The following GALNTL5 variants were observed in gnomAD, a reference collection of about 807,000 sequenced individuals.
GALNTL5 encodes inactive polypeptide N-acetylgalactosaminyltransferase-like protein 5.
Under a neutral mutation model 51.0 loss-of-function variants are expected in GALNTL5, and 44 were observed. The observed-to-expected ratio is 0.86, with a 90% confidence interval of 0.68 to 1.11. The LOEUF is 1.11. Ranked by LOEUF, GALNTL5 falls within the 50% of genes least tolerant of loss-of-function variation. The pLI, the probability that GALNTL5 is intolerant of heterozygous loss-of-function variation, is 0.00. For missense variants in GALNTL5, 528 were observed against 531.8 expected, an observed-to-expected ratio of 0.99 and a Z score of 0.07; for synonymous variants, 192 against 182.8, an observed-to-expected ratio of 1.05 and a Z score of -0.41.
At chr7:151,972,595 G>A (rs143609148) in intron 3 of GALNTL5, among the ~76,000 whole-genome samples, 7 of 152,288 alleles carry the variant, frequency 4.6e-5, no homozygotes, top group East Asian at 1.9e-4. Context: ...TCTGTGCAGC[G>A]TTGGGACAAG....
intron 5 of GALNTL5, among the ~76,000 whole-genome samples, chr7:152,000,543 G>A (rs2081561669): frequency 6.6e-6 from 1 of 152,158 alleles, no homozygotes; most frequent in South Asian, 2.1e-4. Flanking sequence ...AACAGCACTG[G>A]ACAAGTGTTT....
chr7:151,967,256 G>A lies in GALNTL5; in HGVS notation c.10G>A (p.Ala4Thr), dbSNP rs912396009. The change falls in exon 2 of 9, where the codon GCC becomes ACC. Residue 4 changes from alanine (A) to threonine (T), a missense_variant. Coordinates refer to ENST00000392800, the MANE Select transcript of GALNTL5 (RefSeq NM_145292.4). ...AAATGCTAGATTTACAATGAGAAAT[G>A]CCATAATTCAAGGTTTATTCTATGG... Reference protein sequence around the residue: MRNAIIQGLFYGSL... With the variant: MRNTIIQGLFYGSL... 1.4e-5 allele frequency: 23 copies of A among 1,609,920 alleles called. No homozygotes were observed. Among genetic ancestry groups the A allele is most frequent in the Non-Finnish European group, 2.0e-5 (23 of 1,178,270 alleles).
chr7:151,961,189 A>G (rs2080986822), intron 1 of GALNTL5, among the ~76,000 whole-genome samples: 1 of 150,344 alleles, frequency 6.7e-6, no homozygotes, highest in African/African-American at 2.5e-5. Flanking sequence ...TGAGACACCA[A>G]CTCACAAACA....
At chr7:151,988,715 CT>C (rs3037136) in intron 5 of GALNTL5, among the ~76,000 whole-genome samples, 47,853 of 143,046 alleles carry the variant, frequency 0.33, 7,921 homozygotes, top group South Asian at 0.44. Flanking sequence ...ATTTATTTTA[CT>C]TTTTTTTTTT....
At chr7:151,995,503 G>C (rs998755037) in intron 5 of GALNTL5, among the ~76,000 whole-genome samples, 6 of 151,444 alleles carry the variant, frequency 4.0e-5, no homozygotes, top group Non-Finnish European at 5.9e-5. Context: ...CAGTTTGAGA[G>C]AAGGAGTTTT....
chr7:151,979,432 C>G (rs2081251107), intron 3 of GALNTL5, among the ~76,000 whole-genome samples: 2 of 147,580 alleles, frequency 1.4e-5, no homozygotes, highest in South Asian at 4.3e-4. Flanking sequence ...CTCTTAAAAA[C>G]AGCTTTCTTA....
Position 151,985,919 on chromosome 7 carries a change from C to T in GALNTL5, c.536-1240C>T, listed in dbSNP as rs1421123730. On this transcript the variant is annotated intron_variant, in intron 4 of 8. Transcript: ENST00000392800. ...TCTAAAAACAAGGAAGAAGATCCCTCCTTCTGCTGGGATTACCATGAACCT... is the reference window on the plus strand; with the variant it reads ...TCTAAAAACAAGGAAGAAGATCCCTTCTTCTGCTGGGATTACCATGAACCT... The T allele has an allele frequency of 2.6e-5, 4 of 152,280 alleles. No homozygotes were observed. In the East Asian group the frequency reaches 7.7e-4, roughly 29 times the overall value. The allele number at this position is 152,280 out of a possible 1,614,324, so 9.4% of individuals were successfully genotyped here. A position where few individuals can be genotyped will look rare whatever the true frequency, so the allele number is the denominator to read the frequency against.
intron 1 of GALNTL5, among the ~76,000 whole-genome samples, chr7:151,957,439 C>T (rs1014312370): frequency 4.0e-5 from 6 of 148,614 alleles, no homozygotes; most frequent in African/African-American, 1.5e-4. Flanking sequence ...GTACCAGCTA[C>T]TTGGGAGGCT....
chr7:152,019,718 A>G lies in GALNTL5; in HGVS notation c.1249A>G (p.Arg417Gly), dbSNP rs1427768291. Residue 417 changes from arginine (R) to glycine (G), a missense_variant, in exon 9 of 9, where the codon AGG becomes GGG. By Grantham distance (125) the Arg-to-Gly change is moderately radical (BLOSUM62 -2). Coordinates refer to ENST00000392800, the MANE Select transcript of GALNTL5 (RefSeq NM_145292.4). The stretch of plus-strand genomic sequence containing the variant: ...AAATATTCGCGAGCGTGTTGAGTTA[A>G]GGAAACGACTGGGTTGCAAGTCATT... Reference protein sequence around the residue: ...YGNIRERVELRKRLGCKSFQW... With the variant: ...YGNIRERVELGKRLGCKSFQW... The G allele has an allele frequency of 6.2e-6, 10 of 1,613,054 alleles. No individual in the cohort carries two copies. In the South Asian group the frequency reaches 1.1e-4, roughly 18 times the overall value.
chr7:151,982,324 G>T (rs1368326176), intron 3 of GALNTL5, among the ~76,000 whole-genome samples: 1 of 152,134 alleles, frequency 6.6e-6, no homozygotes, highest in African/African-American at 2.4e-5. Flanking sequence ...TGAGGCAGGA[G>T]AATCGCTTGA....
chr7:151,968,622 G>A (rs2081089436), intron 2 of GALNTL5, among the ~76,000 whole-genome samples: 1 of 152,230 alleles, frequency 6.6e-6, no homozygotes, highest in Non-Finnish European at 1.5e-5. Flanking sequence ...AGCAAACCAA[G>A]GGTGAGTGCC....
intron 1 of GALNTL5, among the ~76,000 whole-genome samples, chr7:151,964,766 C>T (rs2081036649): frequency 6.6e-6 from 1 of 152,222 alleles, no homozygotes; most frequent in Admixed American, 6.5e-5. Context: ...CACAGGTGTG[C>T]TGTCTTCAGG....
chr7:152,002,581 T>C, intron 5 of GALNTL5, 133 bp from the exon 6 acceptor site: 1 of 854,908 alleles, frequency 1.2e-6, no homozygotes, highest in East Asian at 2.6e-5. Context: ...TTCCTTCCAA[T>C]GAAAATGAAA....
At chr7:152,018,776 G>T (rs138268710) in intron 8 of GALNTL5, among the ~76,000 whole-genome samples, 42 of 152,274 alleles carry the variant, frequency 2.8e-4, no homozygotes, top group Middle Eastern at 3.4e-3. Context: ...GTGGCAGAAT[G>T]CGATGGCAAA....
intron 4 of GALNTL5, 57 bp downstream of exon 4, chr7:151,983,209 CCT>C: frequency 6.9e-7 from 1 of 1,452,858 alleles, no homozygotes; most frequent in Non-Finnish European, 9.6e-7. Context: ...TTGAGATTTC[CCT>C]CTGTCACCCA....
At chr7:151,976,005 G>A (rs73473898) in intron 3 of GALNTL5, among the ~76,000 whole-genome samples, 1 of 152,080 alleles carries the variant, frequency 6.6e-6, no homozygotes, top group Non-Finnish European at 1.5e-5. Context: ...AATCCTGGAG[G>A]ATATTCCATG....
chr7:151,964,391 G>A (rs1037257972), intron 1 of GALNTL5, among the ~76,000 whole-genome samples: 1 of 152,132 alleles, frequency 6.6e-6, no homozygotes, highest in Non-Finnish European at 1.5e-5. Context: ...ATTCCCACGT[G>A]CTGTGTGAGG....
chr7:151,958,824 A>T (rs940407878), intron 1 of GALNTL5, among the ~76,000 whole-genome samples: 1 of 152,182 alleles, frequency 6.6e-6, no homozygotes, highest in Non-Finnish European at 1.5e-5. Flanking sequence ...AAGGCAGAGA[A>T]GGGTTTTATT....
At chr7:152,003,008 G>A in intron 6 of GALNTL5, 45 bp downstream of exon 6, 1 of 1,554,376 alleles carries the variant, frequency 6.4e-7, no homozygotes, top group Non-Finnish European at 8.8e-7. Context: ...TACGTGTATT[G>A]AGACCCAGGG....
Sources: gnomAD v4.1 joint callset for allele counts (sites outside exome capture counted in the v4.1 genomes callset) on GRCh38, gnomAD v4.1.1 for gene constraint, MANE v1.5 for transcripts, NCBI Gene and HGNC (gene_info 2026-07-23, HGNC 2026-07-21) for gene names.